The following KCNH1 variants were observed in gnomAD, a reference collection of about 807,000 sequenced individuals.
KCNH1 encodes potassium voltage-gated channel subfamily H member 1.
Under a neutral mutation model 69.2 loss-of-function variants are expected in KCNH1, and 27 were observed. That is an observed-to-expected ratio of 0.39 (90% CI 0.29 to 0.54). The LOEUF (loss-of-function observed/expected upper bound fraction) is 0.54. KCNH1 is among the 20% of genes least tolerant of loss of function. The probability of loss-of-function intolerance (pLI) is 0.68; values close to 1 mark genes in which losing one functional copy is unlikely to be tolerated. For missense variants in KCNH1, 798 were observed against 1,261.6 expected, an observed-to-expected ratio of 0.63 and a Z score of 5.57; for synonymous variants, 456 against 487.7, an observed-to-expected ratio of 0.93 and a Z score of 0.86.
At chr1:210,746,941 T>C (rs1683175272) in intron 10 of KCNH1, among the ~76,000 whole-genome samples, 1 of 152,192 alleles carries the variant, frequency 6.6e-6, no homozygotes, top group African/African-American at 2.4e-5. Context: ...GGGGAAATTG[T>C]TGACTTCAGC....
At chr1:210,753,909 A>ATTTTTTTTT (rs397982788) in intron 10 of KCNH1, among the ~76,000 whole-genome samples, 2 of 140,896 alleles carry the variant, frequency 1.4e-5, no homozygotes, top group Non-Finnish European at 3.1e-5. Context: ...TATCAGACTA[A>ATTTTTTTTT]TTTTTTTTTT....
chr1:210,827,415 A>G (rs760461358), intron 7 of KCNH1, among the ~76,000 whole-genome samples: 3 of 152,210 alleles, frequency 2.0e-5, no homozygotes, highest in Non-Finnish European at 2.9e-5. Context: ...TTCTAATTTT[A>G]TCACACAGCA....
Position 210,788,685 on chromosome 1 carries a change from C to CTT in KCNH1, c.1915+8821_1915+8822dup, listed in dbSNP as rs139485350. ...AGATTATTCATATTATAGCTTCTTT[C>CTT]TTTTTTTTTTTTTTTTTTTTTTTTT... On this transcript the variant is annotated intron_variant, in intron 9 of 10. Transcript: ENST00000271751. Among the ~76,000 whole-genome samples, 254 of 80,708 alleles carry CTT rather than the reference C, an allele frequency of 3.1e-3. 17 individuals are homozygous for CTT. The highest frequency in any genetic ancestry group is 9.3e-3 in the Middle Eastern group (1 of 108). 52.9% of individuals were successfully genotyped at this position (80,708 alleles called of 152,430 possible). A position where few individuals can be genotyped will look rare whatever the true frequency, so the allele number is the denominator to read the frequency against.
chr1:211,055,823 C>T (rs1690293979), intron 5 of KCNH1, among the ~76,000 whole-genome samples: 3 of 152,176 alleles, frequency 2.0e-5, no homozygotes, highest in South Asian at 4.1e-4. Context: ...CAGAAGGGAA[C>T]CTGATGCCTT....
intron 7 of KCNH1, among the ~76,000 whole-genome samples, chr1:210,824,786 A>G (rs1418565510): frequency 2.6e-5 from 4 of 152,142 alleles, no homozygotes; most frequent in African/African-American, 9.7e-5. Flanking sequence ...GTATCAATGA[A>G]CTTTTCATAC....
intron 10 of KCNH1, among the ~76,000 whole-genome samples, chr1:210,696,524 G>T (rs1194571970): frequency 2.0e-5 from 3 of 152,176 alleles, no homozygotes; most frequent in African/African-American, 7.2e-5. Flanking sequence ...AGCCTAGCAA[G>T]GGGGTAGATG....
rs544468979 is a variant in KCNH1, at chr1:211,121,669, A to G, written c.79+12198T>C. On this transcript the variant is annotated intron_variant, in intron 1 of 10. Transcript: ENST00000271751. ...CCAAAAGCAATTGCAACAAAAGCCA[A>G]AATTGACAAATGGGATCTGATTAAA... is the stretch of plus-strand genomic sequence containing the variant. 5.9e-5 allele frequency among the ~76,000 whole-genome samples: 9 copies of G among 152,374 alleles called. No individual in the cohort carries two copies. In the South Asian group the frequency reaches 1.9e-3, roughly 32 times the overall value.
At chr1:211,123,959 A>G (rs1691733976) in intron 1 of KCNH1, among the ~76,000 whole-genome samples, 1 of 152,146 alleles carries the variant, frequency 6.6e-6, no homozygotes, top group Admixed American at 6.5e-5. Context: ...TTAAATGAAG[A>G]GAAGATGAGG....
At chr1:210,842,307 C>T (rs1685428888) in intron 7 of KCNH1, among the ~76,000 whole-genome samples, 3 of 152,020 alleles carry the variant, frequency 2.0e-5, no homozygotes, top group Admixed American at 1.3e-4. Context: ...GTAATAAAAC[C>T]CCAAATATAA....
intron 6 of KCNH1, among the ~76,000 whole-genome samples, chr1:210,936,260 C>T (rs1038520647): frequency 3.3e-5 from 5 of 152,220 alleles, no homozygotes; most frequent in South Asian, 2.1e-4. Flanking sequence ...CAGCTAAAGA[C>T]CTCCTTTTCG....
chr1:210,784,198 C>T (rs17260802), intron 9 of KCNH1, among the ~76,000 whole-genome samples: 3,985 of 152,322 alleles, frequency 0.026, 86 homozygotes, highest in Non-Finnish European at 0.039. Flanking sequence ...TGATTTTGAA[C>T]ACTTAATAAC....
chr1:210,688,473 C>G (rs1194075055), intron 10 of KCNH1, among the ~76,000 whole-genome samples: 1 of 152,146 alleles, frequency 6.6e-6, no homozygotes, highest in Non-Finnish European at 1.5e-5. Context: ...GCATATTGCC[C>G]TCCCTCCAAA....
chr1:210,993,711 G>GAA (rs1291360906), intron 6 of KCNH1, among the ~76,000 whole-genome samples: 1 of 152,146 alleles, frequency 6.6e-6, no homozygotes, highest in African/African-American at 2.4e-5. Flanking sequence ...GCTATGAGCT[G>GAA]AATAGTTCCA....
At chr1:210,732,164 A>G (rs752786231) in intron 10 of KCNH1, among the ~76,000 whole-genome samples, 3 of 151,666 alleles carry the variant, frequency 2.0e-5, no homozygotes, top group Non-Finnish European at 4.4e-5. Flanking sequence ...GAGGTGGCTA[A>G]GGATAAATTT....
intron 6 of KCNH1, among the ~76,000 whole-genome samples, chr1:210,985,009 T>C (rs1688800441): frequency 6.6e-6 from 1 of 152,236 alleles, no homozygotes; most frequent in Admixed American, 6.5e-5. Context: ...TGGTTTAGTC[T>C]TGGGAGGGTG....
chr1:210,882,846 C>G (rs1212030914), intron 7 of KCNH1, among the ~76,000 whole-genome samples: 1 of 152,090 alleles, frequency 6.6e-6, no homozygotes, highest in African/African-American at 2.4e-5. Context: ...CCACATCAGG[C>G]AAAATCTCTA....
intron 10 of KCNH1, among the ~76,000 whole-genome samples, chr1:210,689,642 G>A (rs752006626): frequency 4.6e-5 from 7 of 152,344 alleles, no homozygotes; most frequent in East Asian, 1.9e-4. Flanking sequence ...TCAGACACAC[G>A]TCCCCAGTCT....
At chr1:211,118,888 A>G (rs1691634764) in intron 1 of KCNH1, among the ~76,000 whole-genome samples, 1 of 152,238 alleles carries the variant, frequency 6.6e-6, no homozygotes, top group Non-Finnish European at 1.5e-5. Flanking sequence ...AGCTACATTC[A>G]GCTCGCAGTT....
intron 6 of KCNH1, among the ~76,000 whole-genome samples, chr1:210,932,961 TAGAC>T (rs1187481677): frequency 1.3e-5 from 2 of 152,220 alleles, no homozygotes; most frequent in Non-Finnish European, 2.9e-5. Flanking sequence ...TTAGATCACT[TAGAC>T]AGAAAATCAA....
Sources: gnomAD v4.1 joint callset for allele counts (sites outside exome capture counted in the v4.1 genomes callset) on GRCh38, gnomAD v4.1.1 for gene constraint, MANE v1.5 for transcripts, NCBI Gene and HGNC (gene_info 2026-07-23, HGNC 2026-07-21) for gene names.